Variants in GAREM1 observed in about 807,000 individuals in gnomAD.
The protein encoded by GAREM1 is GRB2-associated and regulator of MAPK protein 1.
Under a neutral mutation model 71.3 loss-of-function variants are expected in GAREM1, and 26 were observed. The observed-to-expected ratio is 0.36, with a 90% CI of 0.27 to 0.51. The LOEUF (loss-of-function observed/expected upper bound fraction) is 0.51. Among genes scored for constraint, GAREM1 ranks in the 20% least tolerant of loss-of-function variants. The probability of loss-of-function intolerance (pLI) is 0.95; values close to 1 mark genes in which losing one functional copy is unlikely to be tolerated. For missense variants in GAREM1, 1,026 were observed against 1,103.1 expected (o/e 0.93, Z 0.99); for synonymous variants, 440 against 433.2 (o/e 1.02, Z -0.20).
chr18:32,370,318 C>A (rs901198798), intron 2 of GAREM1, among the ~76,000 whole-genome samples: 1 of 151,670 alleles, frequency 6.6e-6, no homozygotes, highest in Non-Finnish European at 1.5e-5. Context: ...GTCCCAGCTA[C>A]CTGGGAGGCT....
chr18:32,338,674 T>C (rs1205588082), intron 2 of GAREM1, among the ~76,000 whole-genome samples: 5 of 152,174 alleles, frequency 3.3e-5, no homozygotes, highest in Non-Finnish European at 7.4e-5. Flanking sequence ...CTCGAGATAA[T>C]CAGACTAAAG....
Position 32,266,154 on chromosome 18 carries a change from G to C in GAREM1, c.*1717C>G, listed in dbSNP as rs977202858. The C allele has an allele frequency of 2.6e-5, 4 of 151,994 alleles. No individual in the cohort carries two copies. Among genetic ancestry groups the C allele is most frequent in the African/African-American group, 9.7e-5 (4 of 41,362 alleles). 9.4% of individuals were successfully genotyped at this position (151,994 alleles called of 1,614,324 possible). On this transcript the variant is annotated 3_prime_UTR_variant, in exon 6 of 6. Coordinates refer to ENST00000269209, the MANE Select transcript of GAREM1 (RefSeq NM_001242409.2). ...TTTTTTTTTGATAAAGGAGATCTAA[G>C]ATGGAAAATTGGGTATCAATTCACT...
intron 1 of GAREM1, among the ~76,000 whole-genome samples, chr18:32,394,837 C>T (rs1326722392): frequency 6.6e-6 from 1 of 152,192 alleles, no homozygotes; most frequent in Non-Finnish European, 1.5e-5. Context: ...TTCCGCTACC[C>T]ACCATGGTGT....
intron 2 of GAREM1, among the ~76,000 whole-genome samples, chr18:32,351,211 C>T (rs2047747230): frequency 6.6e-6 from 1 of 152,130 alleles, no homozygotes; most frequent in Non-Finnish European, 1.5e-5. Flanking sequence ...AACACCCAGG[C>T]ACCAGATGAA....
At chr18:32,285,290 G>A (rs2047001775) in intron 4 of GAREM1, among the ~76,000 whole-genome samples, 2 of 152,156 alleles carry the variant, frequency 1.3e-5, no homozygotes, top group South Asian at 4.1e-4. Flanking sequence ...GGCCAGAGGT[G>A]GGTCCTCTCT....
chr18:32,422,321 A>C (rs1248403753), intron 1 of GAREM1, among the ~76,000 whole-genome samples: 1 of 152,144 alleles, frequency 6.6e-6, no homozygotes, highest in Non-Finnish European at 1.5e-5. Flanking sequence ...ATTCCCAGTG[A>C]AGCCTTTGCT....
chr18:32,263,750 C>A lies in GAREM1; in HGVS notation c.*4121G>T, dbSNP rs997991202. The A allele has an allele frequency of 9.2e-5, 14 of 152,104 alleles. No homozygotes were observed. The highest frequency in any genetic ancestry group is 2.9e-4 in the African/African-American group (12 of 41,414). 9.4% of individuals were successfully genotyped at this position (152,104 alleles called of 1,614,324 possible). A position where few individuals can be genotyped will look rare whatever the true frequency, so the allele number is the denominator to read the frequency against. On this transcript the variant is annotated 3_prime_UTR_variant, in exon 6 of 6. Transcript: ENST00000269209. ...TTCTTTGAAAAGAATACACCATTTC[C>A]ATTTAAGATAAACTCTCCAAATTCT...
chr18:32,282,463 G>A (rs1319807864), intron 4 of GAREM1, among the ~76,000 whole-genome samples: 1 of 152,226 alleles, frequency 6.6e-6, no homozygotes, highest in Non-Finnish European at 1.5e-5. Flanking sequence ...TGATCACTGG[G>A]TGCTGGGGTC....
intron 2 of GAREM1, among the ~76,000 whole-genome samples, chr18:32,383,911 T>C (rs771865604): frequency 5.9e-5 from 9 of 152,120 alleles, no homozygotes; most frequent in Non-Finnish European, 1.2e-4. Flanking sequence ...AAAATAGCAA[T>C]CAAAGGACTC....
chr18:32,341,199 A>G (rs951585042), intron 2 of GAREM1, among the ~76,000 whole-genome samples: 6 of 152,084 alleles, frequency 3.9e-5, no homozygotes, highest in African/African-American at 1.4e-4. Flanking sequence ...TCATTGTTCA[A>G]TTCCCACCTG....
intron 2 of GAREM1, among the ~76,000 whole-genome samples, chr18:32,341,796 T>A (rs1001435484): frequency 1.3e-5 from 2 of 152,098 alleles, no homozygotes; most frequent in African/African-American, 4.8e-5. Flanking sequence ...CAGAATGTAA[T>A]CCTCTGGGCT....
Position 32,377,510 on chromosome 18 carries a change from C to T in GAREM1, c.262+15385G>A, listed in dbSNP as rs74656511. Among the ~76,000 whole-genome samples, 993 of 152,316 alleles carry T rather than the reference C, an allele frequency of 6.5e-3. 12 individuals carry two copies. Among genetic ancestry groups the T allele is most frequent in the African/African-American group, 0.02 (832 of 41,566 alleles). On this transcript the variant is annotated intron_variant, in intron 2 of 5. Coordinates refer to ENST00000269209, the MANE Select transcript of GAREM1 (RefSeq NM_001242409.2). ...TGGACCACTTCCCTCTAAATGGCCA[C>T]ATGCTCCACGGCTGCCATATGGGAA... is the stretch of plus-strand genomic sequence containing the variant.
chr18:32,420,965 G>A (rs537757235), intron 1 of GAREM1, among the ~76,000 whole-genome samples: 1 of 152,174 alleles, frequency 6.6e-6, no homozygotes, highest in African/African-American at 2.4e-5. Context: ...CCTATTTAGA[G>A]TAACATTTAT....
chr18:32,429,798 C>G (rs1353137396), intron 1 of GAREM1, among the ~76,000 whole-genome samples: 1 of 152,148 alleles, frequency 6.6e-6, no homozygotes, highest in East Asian at 1.9e-4. Context: ...TATCTCACAC[C>G]TTCCTGGTGC....
chr18:32,427,669 G>C (rs934858242), intron 1 of GAREM1, among the ~76,000 whole-genome samples: 1 of 152,134 alleles, frequency 6.6e-6, no homozygotes, highest in Non-Finnish European at 1.5e-5. Context: ...AATCAGACAC[G>C]TGAAGATAAG....
chr18:32,457,654 T>C (rs1157572731), intron 1 of GAREM1, among the ~76,000 whole-genome samples: 1 of 152,072 alleles, frequency 6.6e-6, no homozygotes, highest in Non-Finnish European at 1.5e-5. Context: ...CTTAAAGCTA[T>C]CTTGTTGTTT....
chr18:32,331,028 C>T (rs941042816), intron 2 of GAREM1, among the ~76,000 whole-genome samples: 1 of 152,168 alleles, frequency 6.6e-6, no homozygotes, highest in African/African-American at 2.4e-5. Flanking sequence ...CGCTGTAGTT[C>T]ACAAAAAGTC....
chr18:32,386,695 T>C (rs886535976), intron 2 of GAREM1, among the ~76,000 whole-genome samples: 2 of 152,230 alleles, frequency 1.3e-5, no homozygotes, highest in Non-Finnish European at 2.9e-5. Context: ...CCACTCAGAA[T>C]TCCATTACTT....
intron 2 of GAREM1, among the ~76,000 whole-genome samples, chr18:32,359,461 C>T (rs2144606672): frequency 6.6e-6 from 1 of 152,304 alleles, no homozygotes; most frequent in East Asian, 1.9e-4. Context: ...TCAGTTTATA[C>T]TATACAGTTC....
Sources: gnomAD v4.1 joint callset for allele counts (sites outside exome capture counted in the v4.1 genomes callset) on GRCh38, gnomAD v4.1.1 for gene constraint, MANE v1.5 for transcripts, NCBI Gene and HGNC (gene_info 2026-07-23, HGNC 2026-07-21) for gene names.